The following HPD variants were observed in gnomAD, a reference collection of about 807,000 sequenced individuals.
HPD encodes the protein 4-hydroxyphenylpyruvic acid oxidase.
HPD carries 35 observed loss-of-function variants against 56.9 expected under a neutral mutation model. The observed-to-expected ratio is 0.62, with a 90% confidence interval of 0.47 to 0.82. The LOEUF is 0.82. Ranked by LOEUF, HPD falls within the 40% of genes least tolerant of loss-of-function variation. The pLI, the probability that HPD is intolerant of heterozygous loss-of-function variation, is 0.00. For synonymous variants in HPD, 186 were observed against 200.2 expected (o/e 0.93, Z 0.60); for missense variants, 442 against 506.8 (o/e 0.87, Z 1.23).
At chr12:121,861,994 A>G (rs1158295087), upstream of HPD, among the ~76,000 whole-genome samples, 8 of 152,160 alleles carry the variant, frequency 5.3e-5, no homozygotes, top group East Asian at 1.5e-3. Context: ...TCGGTGACAG[A>G]GTGAGACCCT....
At chr12:121,845,085 A>G in intron 11 of HPD, among the ~76,000 whole-genome samples, 1 of 148,430 alleles carries the variant, frequency 6.7e-6, no homozygotes, top group East Asian at 1.9e-4. Context: ...CTGCATCTCA[A>G]AAAAGAAGGA....
chr12:121,887,361 T>C, the HPD span, among the ~76,000 whole-genome samples: 1 of 151,984 alleles, frequency 6.6e-6, no homozygotes, highest in East Asian at 1.9e-4. Flanking sequence ...TTTCTCTCTC[T>C]CTCTCTCTCG....
chr12:121,881,835 A>T, the HPD span, among the ~76,000 whole-genome samples: 2 of 101,404 alleles, frequency 2.0e-5, no homozygotes, highest in African/African-American at 5.4e-5. Context: ...TTTAATAGAG[A>T]CAGGGTTTCA....
the HPD span, among the ~76,000 whole-genome samples, chr12:121,872,756 T>C: frequency 1.3e-5 from 2 of 151,774 alleles, no homozygotes; most frequent in Non-Finnish European, 1.5e-5. Flanking sequence ...GAGCTCTGAG[T>C]ATGCTGCACT....
chr12:121,874,532 C>T, the HPD span, among the ~76,000 whole-genome samples: 199 of 151,672 alleles, frequency 1.3e-3, 5 homozygotes, highest in East Asian at 0.036. Context: ...GCAGGAGAAT[C>T]GCTTGAACCT....
upstream of HPD, among the ~76,000 whole-genome samples, chr12:121,861,633 G>A (rs1055556625): frequency 2.0e-5 from 3 of 152,136 alleles, no homozygotes; most frequent in Non-Finnish European, 4.4e-5. Flanking sequence ...ATCTCTAAAT[G>A]GAGATACACT....
chr12:121,849,867 A>C, intron 7 of HPD, 77 bp from the exon 8 acceptor site: 2 of 949,108 alleles, frequency 2.1e-6, no homozygotes, highest in Non-Finnish European at 3.4e-6. Context: ...CATAGCGCTA[A>C]CGTAGCCCCG....
the HPD span, among the ~76,000 whole-genome samples, chr12:121,874,701 A>G: frequency 1.3e-5 from 2 of 152,014 alleles, no homozygotes; most frequent in Non-Finnish European, 2.9e-5. Flanking sequence ...CATTTGGGAG[A>G]TGTGTGCATG....
At chr12:121,885,294 C>T in the HPD span, among the ~76,000 whole-genome samples, 4 of 151,586 alleles carry the variant, frequency 2.6e-5, no homozygotes, top group South Asian at 2.1e-4. Context: ...CTCTGCCTCC[C>T]GGATTCAAGT....
At chr12:121,886,574 C>G in the HPD span, among the ~76,000 whole-genome samples, 10 of 152,112 alleles carry the variant, frequency 6.6e-5, no homozygotes, top group Admixed American at 2.0e-4. Flanking sequence ...CTAATTGTTA[C>G]ATTTTGCCTC....
At chr12:121,866,086 G>A (rs1878319442), upstream of HPD, among the ~76,000 whole-genome samples, 2 of 151,902 alleles carry the variant, frequency 1.3e-5, no homozygotes, top group South Asian at 2.1e-4. Context: ...TCACGAGGTC[G>A]GGAGATCGAG....
intron 12 of HPD, among the ~76,000 whole-genome samples, chr12:121,841,746 C>T (rs939794963): frequency 6.0e-5 from 9 of 151,074 alleles, no homozygotes; most frequent in African/African-American, 1.5e-4. Context: ...TGCAATGGCG[C>T]GATCTCGGCT....
At chr12:121,856,987 G>A in intron 4 of HPD, 1 of 502,804 alleles carries the variant, frequency 2.0e-6, no homozygotes, top group Non-Finnish European at 3.6e-6. Context: ...ACTAGGAAGG[G>A]CCGTGTTGCA....
intron 9 of HPD, among the ~76,000 whole-genome samples, chr12:121,848,470 C>T (rs185497937): frequency 6.6e-6 from 1 of 152,196 alleles, no homozygotes; most frequent in Non-Finnish European, 1.5e-5. Flanking sequence ...CACTGCCACA[C>T]CCAGCTAATT....
chr12:121,878,358 GT>G, the HPD span, among the ~76,000 whole-genome samples: 3 of 152,048 alleles, frequency 2.0e-5, no homozygotes, highest in South Asian at 6.3e-4. Flanking sequence ...TGTTTGTTTT[GT>G]TTTTTTATTG....
chr12:121,858,697 T>C lies in HPD; in HGVS notation c.20A>G (p.Lys7Arg). The C allele has an allele frequency of 6.2e-7, 1 of 1,614,144 alleles. No homozygotes were observed. Among genetic ancestry groups the C allele is most frequent in the Non-Finnish European group, 8.5e-7 (1 of 1,180,004 alleles). MTTYSDKGAKPERGRFL... is the reference protein window; with the variant it reads MTTYSDRGAKPERGRFL... ...ATTTCGCCTGCTTACCTTTGCCCCT[T>C]TGTCACTGTAAGTCGTCTAAGGAGA... Residue 7 changes from lysine (K) to arginine (R), a missense_variant, in exon 2 of 14, where the codon AAA becomes AGA. By Grantham distance (26) the Lys-to-Arg change is conservative. Transcript: ENST00000289004.
chr12:121,888,315 G>A, the HPD span, among the ~76,000 whole-genome samples: 1 of 152,138 alleles, frequency 6.6e-6, no homozygotes, highest in Non-Finnish European at 1.5e-5. Context: ...AGGAAACTGA[G>A]GCCCAGAGAA....
intron 4 of HPD, chr12:121,857,030 T>C: frequency 2.0e-6 from 1 of 501,768 alleles, no homozygotes; most frequent in East Asian, 3.8e-5. Context: ...GAGGGGTCGG[T>C]GGGAGCTGAA....
chr12:121,873,049 A>G, the HPD span, among the ~76,000 whole-genome samples: 1 of 152,130 alleles, frequency 6.6e-6, no homozygotes, highest in African/African-American at 2.4e-5. Context: ...ATTCACTGTC[A>G]AGCACCGAGG....
Sources: allele counts gnomAD v4.1 joint callset (sites outside exome capture counted in the v4.1 genomes callset), GRCh38; gene constraint gnomAD v4.1.1; transcripts MANE v1.5; gene names NCBI Gene and HGNC (gene_info 2026-07-23, HGNC 2026-07-21).